Variants in GALK2 observed in about 807,000 individuals in gnomAD.
GALK2 encodes galactokinase 2, also known as N-acetylgalactosamine kinase.
Under a neutral mutation model 52.4 loss-of-function variants are expected in GALK2, and 36 were observed. That is an observed-to-expected ratio of 0.69 (90% CI 0.53 to 0.91). The LOEUF is 0.91. Among genes scored for constraint, GALK2 ranks in the 40% least tolerant of loss-of-function variants. The pLI, the probability that GALK2 is intolerant of heterozygous loss-of-function variation, is 0.00. For synonymous variants in GALK2, 176 were observed against 199.1 expected (o/e 0.88, Z 0.98); for missense variants, 579 against 559.1 (o/e 1.04, Z -0.36).
intron 9 of GALK2, among the ~76,000 whole-genome samples, chr15:49,321,808 G>C (rs141249319): frequency 6.6e-6 from 1 of 152,196 alleles, no homozygotes; most frequent in Non-Finnish European, 1.5e-5. Context: ...GTGTGTGTAC[G>C]TGTGTGTTTG....
chr15:49,182,856 T>C (rs1279546756), intron 1 of GALK2, among the ~76,000 whole-genome samples: 1 of 152,218 alleles, frequency 6.6e-6, no homozygotes, highest in Non-Finnish European at 1.5e-5. Flanking sequence ...TCCTATTACA[T>C]TGTTTAAGCT....
chr15:49,186,171 T>C (rs2086321772), intron 1 of GALK2, among the ~76,000 whole-genome samples: 1 of 152,180 alleles, frequency 6.6e-6, no homozygotes, highest in Non-Finnish European at 1.5e-5. Flanking sequence ...AAGTTCTCTT[T>C]TATTATCCCT....
At chr15:49,338,765 A>G (rs1248248872) in intron 3 of GALK2, among the ~76,000 whole-genome samples, 1 of 152,174 alleles carries the variant, frequency 6.6e-6, no homozygotes, top group Non-Finnish European at 1.5e-5. Flanking sequence ...AGGTACACCA[A>G]TCAATTGTAG....
At chr15:49,292,285 T>G (rs1404150176) in intron 7 of GALK2, 42 bp from the exon 8 acceptor site, 2 of 1,561,956 alleles carry the variant, frequency 1.3e-6, no homozygotes, top group African/African-American at 2.7e-5. Context: ...ACACATCAAA[T>G]TCTGAATCAA....
chr15:49,366,302 G>A, intron 3 of GALK2: 1 of 788,090 alleles, frequency 1.3e-6, no homozygotes, highest in African/African-American at 1.7e-5. Context: ...AGGAAATTCA[G>A]ATCTGTTACC....
chr15:49,174,316 T>G (rs1019132857), intron 1 of GALK2, among the ~76,000 whole-genome samples: 8 of 152,040 alleles, frequency 5.3e-5, no homozygotes, highest in Non-Finnish European at 1.2e-4. Flanking sequence ...AAAAAAGATG[T>G]TATTGGATTG....
intron 9 of GALK2, among the ~76,000 whole-genome samples, chr15:49,322,110 A>G (rs2036923337): frequency 6.6e-6 from 1 of 152,186 alleles, no homozygotes; most frequent in Non-Finnish European, 1.5e-5. Flanking sequence ...GCTTATGGCT[A>G]TGTCTTAAAT....
At chr15:49,360,564 A>G (rs1001740324) in intron 3 of GALK2, among the ~76,000 whole-genome samples, 1 of 123,958 alleles carries the variant, frequency 8.1e-6, no homozygotes, top group African/African-American at 3.0e-5. Flanking sequence ...GGTGGCTTAT[A>G]AAAACATAGA....
rs2038785874 is a variant in GALK2, at chr15:49,331,694, C to G, written c.*3535C>G. On this transcript the variant is annotated 3_prime_UTR_variant, in exon 10 of 10. Transcript: ENST00000560031. ...CTGCCACTGTAATTTGGGTGTGCCACCATACATTGCTTATGAAATATTGTC... is the reference window on the plus strand; with the variant it reads ...CTGCCACTGTAATTTGGGTGTGCCAGCATACATTGCTTATGAAATATTGTC... 2.4e-6 allele frequency: 2 copies of G among 824,524 alleles called. No homozygotes were observed. Among genetic ancestry groups the G allele is most frequent in the Non-Finnish European group, 4.2e-6 (2 of 478,574 alleles). The allele number at this position is 824,524 out of a possible 1,614,324, so 51.1% of individuals were successfully genotyped here. A position where few individuals can be genotyped will look rare whatever the true frequency, so the allele number is the denominator to read the frequency against.
chr15:49,355,285 T>C (rs938177607), intron 3 of GALK2, among the ~76,000 whole-genome samples: 4 of 152,004 alleles, frequency 2.6e-5, no homozygotes. Flanking sequence ...GACTATCAAA[T>C]TACTCTGAGC....
At position 49,357,262 on chromosome 15, in the gene GALK2, C is replaced by G. The variant is rs1256020404; in HGVS notation, c.427-10229C>G. On this transcript the variant is annotated intron_variant, in intron 3 of 3. Transcript: ENST00000558399. ...AGCAGAACTGAAGGAAATAGAGACACAAAAAACCCTTCAAAAAATTAGTGA... is the reference window on the plus strand; with the variant it reads ...AGCAGAACTGAAGGAAATAGAGACAGAAAAAACCCTTCAAAAAATTAGTGA... Among the ~76,000 whole-genome samples the G allele has an allele frequency of 3.3e-5, 5 of 149,916 alleles. No individual in the cohort carries two copies. In the East Asian group the frequency reaches 9.8e-4, roughly 29 times the overall value.
At chr15:49,199,967 T>G (rs756101051) in intron 1 of GALK2, among the ~76,000 whole-genome samples, 3 of 152,222 alleles carry the variant, frequency 2.0e-5, no homozygotes, top group Non-Finnish European at 4.4e-5. Context: ...CAACATATTT[T>G]TCTATTATTT....
At chr15:49,320,134 T>C (rs1306610126) in intron 9 of GALK2, among the ~76,000 whole-genome samples, 1 of 152,122 alleles carries the variant, frequency 6.6e-6, no homozygotes, top group Non-Finnish European at 1.5e-5. Flanking sequence ...CTGTTAACTT[T>C]CTTATGATAT....
intron 3 of GALK2, chr15:49,366,510 C>T: frequency 7.2e-7 from 1 of 1,383,790 alleles, no homozygotes; most frequent in Non-Finnish European, 1.0e-6. Flanking sequence ...ATGGAAGTTG[C>T]ATTTTCTAGG....
chr15:49,332,518 C>A (rs1213609474), downstream of GALK2, among the ~76,000 whole-genome samples: 1 of 152,028 alleles, frequency 6.6e-6, no homozygotes, highest in Admixed American at 6.5e-5. Context: ...GCAGCAGGAA[C>A]CTTTCCAGAG....
At chr15:49,206,040 A>AT (rs2088251628) in intron 2 of GALK2, among the ~76,000 whole-genome samples, 1 of 152,026 alleles carries the variant, frequency 6.6e-6, no homozygotes, top group African/African-American at 2.4e-5. Flanking sequence ...TCAGTTGGCT[A>AT]TAAGTATTTG....
intron 3 of GALK2, among the ~76,000 whole-genome samples, chr15:49,354,603 C>A (rs908966496): frequency 6.6e-6 from 1 of 152,200 alleles, no homozygotes; most frequent in Non-Finnish European, 1.5e-5. Context: ...CCTACGCCCA[C>A]GGAGTCTCGC....
intron 5 of GALK2, among the ~76,000 whole-genome samples, chr15:49,260,525 A>G (rs556669719): frequency 6.9e-5 from 10 of 144,996 alleles, no homozygotes; most frequent in African/African-American, 2.6e-4. Context: ...TTGCCTGTTC[A>G]CTCTGATGGT....
intron 1 of GALK2, chr15:49,178,295 A>G (rs1224857830): frequency 1.5e-5 from 2 of 130,748 alleles, no homozygotes; most frequent in Non-Finnish European, 3.4e-5. Flanking sequence ...TCATATATAC[A>G]TGTACATATA....
Sources: allele counts gnomAD v4.1 joint callset (sites outside exome capture counted in the v4.1 genomes callset), GRCh38; gene constraint gnomAD v4.1.1; transcripts MANE v1.5; gene names NCBI Gene and HGNC (gene_info 2026-07-23, HGNC 2026-07-21).